RPTOR: variants seen among roughly 807,000 people sequenced by gnomAD.
RPTOR encodes regulatory-associated protein of mTOR.
A neutral mutation model predicts 169.9 loss-of-function variants in RPTOR; 21 were observed. The observed-to-expected ratio is 0.12, with a 90% CI of 0.09 to 0.18. The LOEUF (loss-of-function observed/expected upper bound fraction) is 0.18, where lower values mean the gene tolerates loss of function less well. RPTOR is among the 10% of genes least tolerant of loss of function. The pLI is 1.00. For missense variants in RPTOR, 1,133 were observed against 1,855.9 expected (o/e 0.61, Z 7.16); for synonymous variants, 732 against 753.2 (o/e 0.97, Z 0.46).
intron 3 of RPTOR, among the ~76,000 whole-genome samples, chr17:80,664,293 C>G (rs961136009): frequency 1.3e-5 from 2 of 152,154 alleles, no homozygotes; most frequent in African/African-American, 4.8e-5. Context: ...AGCACAAATG[C>G]ATTTAGCTGT....
intron 24 of RPTOR, among the ~76,000 whole-genome samples, chr17:80,930,798 G>T (rs562301874): frequency 2.6e-5 from 4 of 152,346 alleles, no homozygotes; most frequent in Admixed American, 2.0e-4. Context: ...TCTGGTGCTC[G>T]CAGTCTCCGA....
intron 9 of RPTOR, among the ~76,000 whole-genome samples, chr17:80,826,209 G>C (rs1048994471): frequency 6.6e-6 from 1 of 152,176 alleles, no homozygotes; most frequent in African/African-American, 2.4e-5. Flanking sequence ...ACAGTGTCTT[G>C]CTGTAAGAGA....
At chr17:80,767,138 C>T (rs1350293309) in intron 6 of RPTOR, among the ~76,000 whole-genome samples, 4 of 152,108 alleles carry the variant, frequency 2.6e-5, no homozygotes, top group African/African-American at 4.8e-5. Context: ...TTTGGGAGGC[C>T]GAGGCAGGTG....
Position 80,937,775 on chromosome 17 carries a change from G to A in RPTOR, c.2920-2721G>A, listed in dbSNP as rs192115690. Among the ~76,000 whole-genome samples, 68 of 152,314 alleles carry A rather than the reference G, an allele frequency of 4.5e-4. 3 individuals carry two copies. The East Asian group carries it at 0.011, about 24-fold the overall frequency. On this transcript the variant is annotated intron_variant, in intron 24 of 33. Coordinates refer to ENST00000306801, the MANE Select transcript of RPTOR (RefSeq NM_020761.3). ...GTCATTTGCTGCCTCCGTGCTGAGC[G>A]GCGGTCACATCCTAGTTTCCCAGGG...
chr17:80,835,817 C>G (rs559065914), intron 9 of RPTOR, among the ~76,000 whole-genome samples: 1 of 152,308 alleles, frequency 6.6e-6, no homozygotes, highest in African/African-American at 2.4e-5. Flanking sequence ...CAAAACACTT[C>G]CGGTCCCAGG....
At position 80,966,126 on chromosome 17, in the gene RPTOR, C is replaced by G. The variant is rs569987695; in HGVS notation, c.*1796C>G. On this transcript the variant is annotated 3_prime_UTR_variant, in exon 34 of 34. Transcript: ENST00000306801. ...CTCCAGAGGGGTCAAGACCCCCCCC[C>G]GCCCCCGCTCCACCCTGGAGCCCAC... 1 of 215,752 alleles carries G rather than the reference C, an allele frequency of 4.6e-6. No individual in the cohort carries two copies. The allele number at this position is 215,752 out of a possible 1,614,324, so 13.4% of individuals were successfully genotyped here.
At chr17:80,928,606 C>T (rs1455319176) in intron 24 of RPTOR, among the ~76,000 whole-genome samples, 1 of 152,194 alleles carries the variant, frequency 6.6e-6, no homozygotes. Flanking sequence ...CGTCAGATTT[C>T]GTACAGGTCC....
intron 1 of RPTOR, among the ~76,000 whole-genome samples, chr17:80,580,059 C>T (rs1439553290): frequency 6.6e-6 from 1 of 152,176 alleles, no homozygotes; most frequent in Non-Finnish European, 1.5e-5. Flanking sequence ...ATCATGGCTT[C>T]CTCACGGTCA....
intron 5 of RPTOR, among the ~76,000 whole-genome samples, chr17:80,749,510 C>T (rs1157791696): frequency 7.9e-6 from 1 of 126,346 alleles, no homozygotes; most frequent in Non-Finnish European, 1.7e-5. Context: ...GAGGCCGTGG[C>T]GGGAGGACCT....
chr17:80,844,200 G>T lies in RPTOR; in HGVS notation c.1213-2273G>T, dbSNP rs1320765410. ...AAGTGTTGGCCACTCTTCCGCAGGC[G>T]CTTGCTCTAATTCGTCAGCCTCCCC... On this transcript the variant is annotated intron_variant, in intron 10 of 33. Coordinates refer to ENST00000306801, the MANE Select transcript of RPTOR (RefSeq NM_020761.3). The surrounding 1 kb of genome is among the most constrained non-coding windows in gnomAD (Gnocchi z 4.7). Among the ~76,000 whole-genome samples the T allele has an allele frequency of 6.6e-6, 1 of 152,200 alleles. No homozygotes were observed.
chr17:80,626,553 A>G (rs1003766459), intron 2 of RPTOR, among the ~76,000 whole-genome samples: 1 of 152,032 alleles, frequency 6.6e-6, no homozygotes, highest in African/African-American at 2.4e-5. Flanking sequence ...AGTGTGTCAG[A>G]CGCCACTGGA....
chr17:80,960,375 A>G lies in RPTOR; in HGVS notation c.3605+170A>G, dbSNP rs2069320392. 6.6e-6 allele frequency among the ~76,000 whole-genome samples: 1 copy of G among 152,212 alleles called. No individual in the cohort carries two copies. The highest frequency in any genetic ancestry group is 1.5e-5 in the Non-Finnish European group (1 of 68,028). ...CAGTCCTGGGCTCCCCAAAGCCGCC[A>G]GGCCCGTCCCACTGAGGCCCATCCC... On this transcript the variant is annotated intron_variant, in intron 30 of 33. Coordinates refer to ENST00000306801, the MANE Select transcript of RPTOR (RefSeq NM_020761.3). This position sits in a 1 kb window ranked among gnomAD's most constrained non-coding sequence, Gnocchi z 4.8.
At chr17:80,728,608 CTT>C (rs1373022983) in intron 4 of RPTOR, among the ~76,000 whole-genome samples, 2 of 152,078 alleles carry the variant, frequency 1.3e-5, no homozygotes, top group African/African-American at 4.8e-5. Flanking sequence ...TGGACTCTCT[CTT>C]TTCTGTTGAT....
At chr17:80,907,328 C>A (rs1255041364) in intron 20 of RPTOR, among the ~76,000 whole-genome samples, 1 of 152,256 alleles carries the variant, frequency 6.6e-6, no homozygotes, top group Non-Finnish European at 1.5e-5. Context: ...CTTTTCAGCT[C>A]CCAGCACTGA....
At chr17:80,747,017 A>AG (rs2143300467) in intron 5 of RPTOR, among the ~76,000 whole-genome samples, 1 of 152,272 alleles carries the variant, frequency 6.6e-6, no homozygotes, top group Admixed American at 6.5e-5. Context: ...CAGGAATTCG[A>AG]GACCAGCCTG....
At chr17:80,958,548 CT>C (rs1056216674) in intron 29 of RPTOR, among the ~76,000 whole-genome samples, 34 of 151,216 alleles carry the variant, frequency 2.2e-4, no homozygotes, top group African/African-American at 8.3e-4. Flanking sequence ...GTAGCTGGGA[CT>C]ACAAGCGCCC....
In RPTOR at chr17:80,730,439, A is replaced by G. The variant is rs554450289; in HGVS notation, c.508-121A>G. 120 of 1,089,686 alleles carry G rather than the reference A, an allele frequency of 1.1e-4. No individual in the cohort carries two copies. The African/African-American group carries it at 1.7e-3, about 15-fold the overall frequency. The allele number at this position is 1,089,686 out of a possible 1,614,324, so 67.5% of individuals were successfully genotyped here. A position where few individuals can be genotyped will look rare whatever the true frequency, so the allele number is the denominator to read the frequency against. On this transcript the variant is annotated intron_variant, in intron 4 of 33. Transcript: ENST00000306801. The surrounding 1 kb of genome is among the most constrained non-coding windows in gnomAD (Gnocchi z 4.2). ...TTTTTTATAGTTTTGTATAAAGGCT[A>G]ACTCAGCGTCTCTCCAGCCACCAGG...
chr17:80,954,640 C>G (rs996752420), intron 28 of RPTOR, among the ~76,000 whole-genome samples: 4 of 152,208 alleles, frequency 2.6e-5, no homozygotes, highest in African/African-American at 9.6e-5. Context: ...TATAAAACAT[C>G]ATGGGCCAGG....
chr17:80,879,395 C>T (rs998086442), intron 13 of RPTOR, among the ~76,000 whole-genome samples: 1 of 148,310 alleles, frequency 6.7e-6, no homozygotes, highest in Non-Finnish European at 1.5e-5. Context: ...CTGCCCCTGC[C>T]CCCGCCTGCC....
Sources: allele counts gnomAD v4.1 joint callset (sites outside exome capture counted in the v4.1 genomes callset), GRCh38; gene constraint gnomAD v4.1.1; non-coding constraint Gnocchi (gnomAD v3.1); transcripts MANE v1.5; gene names NCBI Gene and HGNC (gene_info 2026-07-23, HGNC 2026-07-21).